Variants in LRRTM4 observed in about 807,000 individuals in gnomAD.
LRRTM4 encodes leucine-rich repeat transmembrane neuronal protein 4.
LRRTM4 carries 25 observed loss-of-function variants against 47.6 expected under a neutral mutation model. The ratio of observed to expected loss-of-function variants is 0.53; its 90% confidence interval spans 0.38 to 0.73. LRRTM4 has a LOEUF of 0.73. Ranked by LOEUF, LRRTM4 falls within the 30% of genes least tolerant of loss-of-function variation. LRRTM4 has a pLI of 0.00. For synonymous variants in LRRTM4, 311 were observed against 269.5 expected (o/e 1.15, Z -1.51); for missense variants, 638 against 713.4 (o/e 0.89, Z 1.20).
At chr2:77,342,561 A>G (rs1671411681) in intron 3 of LRRTM4, among the ~76,000 whole-genome samples, 1 of 152,026 alleles carries the variant, frequency 6.6e-6, no homozygotes, top group Non-Finnish European at 1.5e-5. Flanking sequence ...TTTAATATCT[A>G]GAACACAGAT....
At chr2:77,201,044 C>T (rs1209365764) in intron 3 of LRRTM4, among the ~76,000 whole-genome samples, 4 of 152,190 alleles carry the variant, frequency 2.6e-5, no homozygotes, top group Admixed American at 2.0e-4. Flanking sequence ...TATACAACAC[C>T]TTTGCCTTTC....
In LRRTM4 at chr2:77,519,913, A is replaced by G. The variant is rs1178194511; in HGVS notation, c.5-49T>C. On this transcript the variant is annotated intron_variant, in intron 2 of 3. Transcript: ENST00000409884. This position sits in a 1 kb window ranked among gnomAD's most constrained non-coding sequence, Gnocchi z 4.6. The stretch of plus-strand genomic sequence containing the variant: ...ATGCACATTGTGAAGCTATTAAAAT[A>G]AATCACCGTCGGTTTACCAACAACA... 3.4e-6 allele frequency: 5 copies of G among 1,491,348 alleles called. No homozygotes were observed. The highest frequency in any genetic ancestry group is 3.6e-6 in the Non-Finnish European group (4 of 1,119,618). The allele number at this position is 1,491,348 out of a possible 1,614,324, so 92.4% of individuals were successfully genotyped here.
intron 3 of LRRTM4, among the ~76,000 whole-genome samples, chr2:77,012,193 C>T (rs1014844121): frequency 6.6e-6 from 1 of 151,906 alleles, no homozygotes; most frequent in Non-Finnish European, 1.5e-5. Flanking sequence ...CATAGGCAAG[C>T]AGGGAAGCTT....
At chr2:77,217,976 C>A (rs1421707468) in intron 3 of LRRTM4, among the ~76,000 whole-genome samples, 2 of 151,960 alleles carry the variant, frequency 1.3e-5, no homozygotes, top group Non-Finnish European at 2.9e-5. Flanking sequence ...CAAAACTGAG[C>A]TTTATTTTTT....
intron 3 of LRRTM4, among the ~76,000 whole-genome samples, chr2:76,904,771 A>T (rs988498217): frequency 6.6e-6 from 1 of 152,194 alleles, no homozygotes; most frequent in African/African-American, 2.4e-5. Context: ...TAACATATGT[A>T]AAAAATGAAA....
At chr2:77,256,683 TGA>T (rs1343925330) in intron 3 of LRRTM4, among the ~76,000 whole-genome samples, 4 of 152,184 alleles carry the variant, frequency 2.6e-5, no homozygotes, top group Non-Finnish European at 5.9e-5. Flanking sequence ...TGTGAAACTG[TGA>T]GTCAATAAAA....
At chr2:77,184,616 T>C (rs7568805) in intron 3 of LRRTM4, among the ~76,000 whole-genome samples, 7,755 of 152,184 alleles carry the variant, frequency 0.051, 651 homozygotes, top group African/African-American at 0.18. Context: ...AGTTCGAGTT[T>C]GTCCTTAGAT....
chr2:77,503,109 TTAAA>T (rs1368901853), intron 3 of LRRTM4, among the ~76,000 whole-genome samples: 1 of 151,372 alleles, frequency 6.6e-6, no homozygotes, highest in Non-Finnish European at 1.5e-5. Flanking sequence ...CTAAATTGCT[TTAAA>T]TAAATAATGG....
intron 3 of LRRTM4, among the ~76,000 whole-genome samples, chr2:77,022,961 C>T (rs1678327139): frequency 6.6e-6 from 1 of 152,248 alleles, no homozygotes; most frequent in South Asian, 2.1e-4. Flanking sequence ...CCCCACATTT[C>T]CCTTCTGCAC....
Position 76,790,710 on chromosome 2 carries a change from C to A in LRRTM4, c.1552-41794G>T, listed in dbSNP as rs74368367. ...ACTTAATTGGATAGACCCCCCCCCA[C>A]CACCTCAGTGAAATTTAACAGGCAA... On this transcript the variant is annotated intron_variant, in intron 3 of 3. Coordinates refer to ENST00000409884, the MANE Select transcript of LRRTM4 (RefSeq NM_001134745.3). Among the ~76,000 whole-genome samples, 156 of 151,146 alleles carry A rather than the reference C, an allele frequency of 1.0e-3. 1 individual carries two copies. The East Asian group carries it at 0.021, about 21-fold the overall frequency.
Position 77,440,164 on chromosome 2 carries a change from G to A in LRRTM4, c.1551+78154C>T, listed in dbSNP as rs575297829. Among the ~76,000 whole-genome samples the A allele has an allele frequency of 4.0e-5, 6 of 151,822 alleles. No homozygotes were observed. The East Asian group carries it at 7.8e-4, about 20-fold the overall frequency. ...GCGCGGTGGCTCACGCCTGTAATCC[G>A]AGCACTTTGGGAGGCCGAGGCGGGC... is the stretch of plus-strand genomic sequence containing the variant. On this transcript the variant is annotated intron_variant, in intron 3 of 3. Coordinates refer to ENST00000409884, the MANE Select transcript of LRRTM4 (RefSeq NM_001134745.3).
chr2:77,288,159 A>G (rs1412872900), intron 3 of LRRTM4, among the ~76,000 whole-genome samples: 1 of 152,210 alleles, frequency 6.6e-6, no homozygotes, highest in Non-Finnish European at 1.5e-5. Flanking sequence ...ATAGATTACA[A>G]TAGAGCATGG....
chr2:77,382,885 C>A (rs1401008131), intron 3 of LRRTM4, among the ~76,000 whole-genome samples: 1 of 152,052 alleles, frequency 6.6e-6, no homozygotes, highest in Admixed American at 6.6e-5. Context: ...AATCCACATC[C>A]TTCATCTCTT....
At chr2:77,443,814 A>G (rs74358886) in intron 3 of LRRTM4, among the ~76,000 whole-genome samples, 4,769 of 152,250 alleles carry the variant, frequency 0.031, 252 homozygotes, top group African/African-American at 0.11. Flanking sequence ...ATTAGTTTCT[A>G]AGTTAAATGT....
At chr2:76,914,058 A>G (rs10176086) in intron 3 of LRRTM4, among the ~76,000 whole-genome samples, 636 of 151,820 alleles carry the variant, frequency 4.2e-3, no homozygotes, top group African/African-American at 0.015. Flanking sequence ...TTTATACAGC[A>G]AAGTTTGAAA....
At chr2:77,147,028 T>A (rs568251577) in intron 3 of LRRTM4, among the ~76,000 whole-genome samples, 1 of 152,206 alleles carries the variant, frequency 6.6e-6, no homozygotes, top group Non-Finnish European at 1.5e-5. Context: ...TTTTTCATTT[T>A]AAAATATACA....
intron 3 of LRRTM4, among the ~76,000 whole-genome samples, chr2:77,344,772 G>C (rs1333492839): frequency 6.6e-6 from 1 of 151,688 alleles, no homozygotes; most frequent in African/African-American, 2.4e-5. Context: ...AAACTAAAGA[G>C]AGTAAATTGT....
At chr2:77,511,647 C>A (rs1679004487) in intron 3 of LRRTM4, among the ~76,000 whole-genome samples, 1 of 151,738 alleles carries the variant, frequency 6.6e-6, no homozygotes, top group African/African-American at 2.4e-5. Context: ...ATTGTTTGTA[C>A]ATGGAAAGAA....
chr2:76,862,648 C>G (rs1672348153), intron 3 of LRRTM4, among the ~76,000 whole-genome samples: 1 of 152,214 alleles, frequency 6.6e-6, no homozygotes, highest in African/African-American at 2.4e-5. Flanking sequence ...CGCGCACACA[C>G]ACACAAACAC....
Sources: gnomAD v4.1 joint callset for allele counts (sites outside exome capture counted in the v4.1 genomes callset) on GRCh38, gnomAD v4.1.1 for gene constraint, Gnocchi (gnomAD v3.1) non-coding constraint, MANE v1.5 for transcripts, NCBI Gene and HGNC (gene_info 2026-07-23, HGNC 2026-07-21) for gene names.